Variants in SOS2 observed in about 807,000 individuals in gnomAD.
The protein encoded by SOS2 is son of sevenless homolog 2.
SOS2 carries 65 observed loss-of-function variants against 148.2 expected under a neutral mutation model. The observed-to-expected ratio is 0.44, with a 90% CI of 0.36 to 0.54. The LOEUF (loss-of-function observed/expected upper bound fraction) is 0.54. SOS2 is among the 20% of genes least tolerant of loss of function. The probability of loss-of-function intolerance (pLI) is 0.00; values close to 1 mark genes in which losing one functional copy is unlikely to be tolerated. For synonymous variants in SOS2, 539 were observed against 537.1 expected (o/e 1.00, Z -0.05); for missense variants, 1,341 against 1,590.2 (o/e 0.84, Z 2.67).
At chr14:50,231,099 C>A in intron 1 of SOS2, 98 bp downstream of exon 1, 1 of 706,988 alleles carries the variant, frequency 1.4e-6, no homozygotes, top group Non-Finnish European at 2.0e-6. Flanking sequence ...ACGGCTCGGC[C>A]CCGGGGACTC....
intron 1 of SOS2, among the ~76,000 whole-genome samples, chr14:50,214,969 G>A (rs558987618): frequency 4.1e-4 from 62 of 151,546 alleles, no homozygotes; most frequent in African/African-American, 1.4e-3. Flanking sequence ...CCGAGTAGCT[G>A]GGACTATAGG....
chr14:50,204,853 G>A (rs1886608451), intron 1 of SOS2, among the ~76,000 whole-genome samples: 4 of 151,410 alleles, frequency 2.6e-5, no homozygotes, highest in Admixed American at 2.0e-4. Context: ...CAATAGCACT[G>A]TCACCACCAG....
chr14:50,199,745 G>T lies in SOS2; in HGVS notation c.456C>A (p.Ile152=). 6.2e-7 allele frequency: 1 copy of T among 1,608,918 alleles called. No homozygotes were observed. Among genetic ancestry groups the T allele is most frequent in the Non-Finnish European group, 8.5e-7 (1 of 1,176,406 alleles). The change falls in exon 4 of 23, where the codon ATC becomes ATA. Residue 152 remains isoleucine (I), a synonymous_variant. Transcript: ENST00000216373. ...CCTGCTGAGATATTTCATAATGCCG[G>T]ATATTAAAAACATAATTACCAGCCA... The part of the protein sequence containing the change: ...LKLAGNYVFN[I]RHYEISQQDI...
chr14:50,136,298 ATT>A (rs1172115375), intron 18 of SOS2, among the ~76,000 whole-genome samples: 1 of 152,168 alleles, frequency 6.6e-6, no homozygotes, highest in Non-Finnish European at 1.5e-5. Context: ...TTTTAAATTT[ATT>A]TTGTTTGACT....
intron 1 of SOS2, among the ~76,000 whole-genome samples, chr14:50,213,113 G>A (rs1203448512): frequency 6.6e-5 from 10 of 152,158 alleles, no homozygotes; most frequent in African/African-American, 2.4e-4. Flanking sequence ...AAGGTCAAAG[G>A]AATGCCCAGG....
chr14:50,194,649 G>A (rs934883089), intron 4 of SOS2, among the ~76,000 whole-genome samples: 1 of 150,278 alleles, frequency 6.7e-6, no homozygotes, highest in Non-Finnish European at 1.5e-5. Context: ...ATGGTGGCAG[G>A]CACCTGTTAT....
intron 1 of SOS2, 92 bp downstream of exon 1, chr14:50,231,105 G>C (rs1243643677): frequency 1.4e-6 from 1 of 734,268 alleles, no homozygotes; most frequent in African/African-American, 1.8e-5. Context: ...CGGCCCCGGG[G>C]ACTCGAGCCC....
intron 21 of SOS2, among the ~76,000 whole-genome samples, chr14:50,122,138 A>C (rs1883533719): frequency 6.6e-6 from 1 of 152,200 alleles, no homozygotes. Flanking sequence ...AACTGTAGGC[A>C]TGTAACCTAA....
At chr14:50,194,550 T>C (rs947533976) in intron 4 of SOS2, among the ~76,000 whole-genome samples, 14 of 148,160 alleles carry the variant, frequency 9.4e-5, no homozygotes, top group South Asian at 2.1e-4. Context: ...CTGAGGTGGA[T>C]AGATCACCTG....
chr14:50,158,748 T>C (rs1428369168), intron 10 of SOS2, 102 bp from the exon 11 acceptor site: 9 of 719,164 alleles, frequency 1.3e-5, no homozygotes, highest in Admixed American at 5.2e-5. Flanking sequence ...TCTTTTTACT[T>C]TGGCTCCTCA....
chr14:50,158,335 T>C (rs973366639), intron 11 of SOS2, among the ~76,000 whole-genome samples: 10 of 152,186 alleles, frequency 6.6e-5, no homozygotes, highest in African/African-American at 2.2e-4. Flanking sequence ...TCCTCTAAAT[T>C]AGTCTTTCTG....
At chr14:50,166,539 A>G (rs560490826) in intron 8 of SOS2, among the ~76,000 whole-genome samples, 41 of 152,266 alleles carry the variant, frequency 2.7e-4, no homozygotes, top group African/African-American at 8.4e-4. Context: ...TTAATGGGTA[A>G]TATCTTATGA....
chr14:50,181,408 A>G (rs549191874), intron 6 of SOS2, among the ~76,000 whole-genome samples: 1 of 150,506 alleles, frequency 6.6e-6, no homozygotes, highest in South Asian at 2.1e-4. Flanking sequence ...AGATCGTGCC[A>G]TTGCACTCTA....
chr14:50,218,995 C>G (rs1225131395), intron 1 of SOS2, among the ~76,000 whole-genome samples: 1 of 151,942 alleles, frequency 6.6e-6, no homozygotes, highest in African/African-American at 2.4e-5. Flanking sequence ...TGCCTGTAAT[C>G]TCAGCTTCTC....
At chr14:50,155,592 A>G (rs1202724389) in intron 12 of SOS2, among the ~76,000 whole-genome samples, 2 of 152,138 alleles carry the variant, frequency 1.3e-5, no homozygotes, top group Admixed American at 1.3e-4. Context: ...GTATTTTTCT[A>G]AGTCACTTAA....
chr14:50,179,366 G>T (rs980828474), intron 7 of SOS2, among the ~76,000 whole-genome samples: 4 of 152,016 alleles, frequency 2.6e-5, no homozygotes, highest in African/African-American at 7.2e-5. Context: ...AACGTCAAGG[G>T]GTAAAAGCCA....
In SOS2 at chr14:50,230,898, C is replaced by A. The variant is rs556841227; in HGVS notation, c.87+299G>T. ...AAATACCAGCGGGACTTTCTCTTGC[C>A]CGATTCCAGCCTGAGGACAACAAAT... On this transcript the variant is annotated intron_variant, in intron 1 of 22. Coordinates refer to ENST00000216373, the MANE Select transcript of SOS2 (RefSeq NM_006939.4). 260 of 1,061,704 alleles carry A rather than the reference C, an allele frequency of 2.4e-4. No homozygotes were observed. The African/African-American group carries it at 3.2e-3, about 13-fold the overall frequency. The allele number at this position is 1,061,704 out of a possible 1,614,324, so 65.8% of individuals were successfully genotyped here. A position where few individuals can be genotyped will look rare whatever the true frequency, so the allele number is the denominator to read the frequency against.
chr14:50,228,635 G>C (rs1887451972), intron 1 of SOS2, among the ~76,000 whole-genome samples: 1 of 152,122 alleles, frequency 6.6e-6, no homozygotes, highest in Admixed American at 6.5e-5. Flanking sequence ...GTTCCACCAA[G>C]ATGTCCAAGT....
chr14:50,180,469 T>C, intron 7 of SOS2, 103 bp downstream of exon 7: 1 of 606,478 alleles, frequency 1.6e-6, no homozygotes, highest in South Asian at 2.2e-5. Flanking sequence ...ATTTGAAGGA[T>C]TACGAGGATT....
Sources: allele counts gnomAD v4.1 joint callset (sites outside exome capture counted in the v4.1 genomes callset), GRCh38; gene constraint gnomAD v4.1.1; transcripts MANE v1.5; gene names NCBI Gene and HGNC (gene_info 2026-07-23, HGNC 2026-07-21).